Variants in KIF26B observed in about 807,000 individuals in gnomAD.
The protein encoded by KIF26B is kinesin-like protein KIF26B.
In KIF26B, 63 loss-of-function variants were observed where a neutral mutation model predicts 151.2. That is an observed-to-expected ratio of 0.42 (90% CI 0.34 to 0.51). The LOEUF (loss-of-function observed/expected upper bound fraction) is 0.51. Ranked by LOEUF, KIF26B falls within the 20% of genes least tolerant of loss-of-function variation. The probability of loss-of-function intolerance (pLI) is 0.07; values close to 1 mark genes in which losing one functional copy is unlikely to be tolerated. For missense variants in KIF26B, 2,813 were observed against 2,913.6 expected, an observed-to-expected ratio of 0.97 and a Z score of 0.79; for synonymous variants, 1,357 against 1,262.1, an observed-to-expected ratio of 1.08 and a Z score of -1.59.
At chr1:245,266,663 C>T (rs138545562) in intron 2 of KIF26B, among the ~76,000 whole-genome samples, 80 of 152,240 alleles carry the variant, frequency 5.3e-4, no homozygotes, top group African/African-American at 1.8e-3. Context: ...CCTACCACCA[C>T]GCCCGGCTAA....
chr1:245,363,520 A>G (rs1432289796), intron 2 of KIF26B, among the ~76,000 whole-genome samples: 1 of 152,070 alleles, frequency 6.6e-6, no homozygotes, highest in Non-Finnish European at 1.5e-5. Flanking sequence ...CTTCCTATTT[A>G]TGACTACCCT....
rs180939492 is a variant in KIF26B at position 245,699,701 on chromosome 1, A to C, written c.6178+664A>C. Among the ~76,000 whole-genome samples, 341 of 152,344 alleles carry C rather than the reference A, an allele frequency of 2.2e-3. 4 individuals carry two copies. Among genetic ancestry groups the C allele is most frequent in the Non-Finnish European group, 3.5e-3 (239 of 68,030 alleles). On this transcript the variant is annotated intron_variant, in intron 14 of 14. Transcript: ENST00000407071. ...AGCTATTACACGGATATAGGAGCTA[A>C]TGCTGGAAGACTCAGTCTGTGGGGT... is the stretch of plus-strand genomic sequence containing the variant.
chr1:245,475,396 A>C (rs1173294512), intron 4 of KIF26B, among the ~76,000 whole-genome samples: 1 of 151,844 alleles, frequency 6.6e-6, no homozygotes, highest in Admixed American at 6.6e-5. Context: ...CATTGTTTAC[A>C]ATGGGGACAG....
chr1:245,331,403 AAAAGCCC>A (rs1294164482), intron 2 of KIF26B, among the ~76,000 whole-genome samples: 1 of 152,050 alleles, frequency 6.6e-6, no homozygotes, highest in Non-Finnish European at 1.5e-5. Flanking sequence ...TGCTCTTAAG[AAAAGCCC>A]GCAGTCGTCC....
At chr1:245,415,825 C>T (rs1303955319) in intron 3 of KIF26B, among the ~76,000 whole-genome samples, 1 of 150,876 alleles carries the variant, frequency 6.6e-6, no homozygotes, top group Admixed American at 6.6e-5. Context: ...TACCAAGCAC[C>T]CAACACATGG....
chr1:245,359,210 G>A (rs754709752), intron 2 of KIF26B, among the ~76,000 whole-genome samples: 3 of 152,056 alleles, frequency 2.0e-5, no homozygotes, highest in Non-Finnish European at 4.4e-5. Flanking sequence ...GTAGAGACGG[G>A]GTTTCACTAT....
intron 2 of KIF26B, among the ~76,000 whole-genome samples, chr1:245,315,369 T>C (rs1353107159): frequency 1.3e-5 from 2 of 151,894 alleles, no homozygotes; most frequent in Non-Finnish European, 2.9e-5. Flanking sequence ...TCAAGGTACA[T>C]TGCTTGAGCC....
intron 2 of KIF26B, among the ~76,000 whole-genome samples, chr1:245,331,546 C>G (rs979944754): frequency 6.6e-6 from 1 of 152,114 alleles, no homozygotes; most frequent in East Asian, 1.9e-4. Flanking sequence ...TGTGACACTT[C>G]GTCTCTAAGT....
rs749995498 is a variant in KIF26B, at chr1:245,687,573, A to G, written c.4590A>G (p.Lys1530=). ...CCCAGAGCCCCGTGCATCCCAACAA[A>G]AGCGTCAAGTCCAGCAGCCTTCCCA... ...LATQSPVHPN[K]SVKSSSLPRA... The change falls in exon 12 of 15, where the codon AAA becomes AAG. Residue 1530 remains lysine (K), a synonymous_variant. Transcript: ENST00000407071. This position sits in a 1 kb window ranked among gnomAD's most constrained non-coding sequence, Gnocchi z 4.9. 46 of 1,565,180 alleles carry G rather than the reference A, an allele frequency of 2.9e-5. No homozygotes were observed. The highest frequency in any genetic ancestry group is 4.0e-5 in the Non-Finnish European group (46 of 1,155,360).
intron 4 of KIF26B, among the ~76,000 whole-genome samples, chr1:245,532,244 T>C (rs983657793): frequency 6.9e-5 from 6 of 86,994 alleles, no homozygotes; most frequent in Admixed American, 1.2e-4. Flanking sequence ...TTTTCTTTTC[T>C]TTTCTTTTTT....
intron 3 of KIF26B, among the ~76,000 whole-genome samples, chr1:245,381,896 T>C (rs1269791760): frequency 6.6e-6 from 1 of 152,230 alleles, no homozygotes; most frequent in African/African-American, 2.4e-5. Context: ...TTGTGTCATA[T>C]GTCAGAATTT....
At chr1:245,411,995 C>A (rs1674298637) in intron 3 of KIF26B, among the ~76,000 whole-genome samples, 1 of 152,134 alleles carries the variant, frequency 6.6e-6, no homozygotes, top group African/African-American at 2.4e-5. Flanking sequence ...ATTGTTTGAT[C>A]TTTTCCTTTG....
At chr1:245,455,504 A>G (rs1021656690) in intron 4 of KIF26B, among the ~76,000 whole-genome samples, 17 of 152,200 alleles carry the variant, frequency 1.1e-4, no homozygotes, top group African/African-American at 4.1e-4. Flanking sequence ...TCTGTCTGAA[A>G]AAAACAAAAC....
intron 10 of KIF26B, among the ~76,000 whole-genome samples, chr1:245,660,492 C>T (rs1467203680): frequency 6.6e-6 from 1 of 151,190 alleles, no homozygotes; most frequent in Non-Finnish European, 1.5e-5. Context: ...TGTGCACCAC[C>T]ATGCCTGGTT....
chr1:245,440,208 C>A (rs1375507417), intron 4 of KIF26B, among the ~76,000 whole-genome samples: 3 of 151,128 alleles, frequency 2.0e-5, no homozygotes, highest in Admixed American at 6.6e-5. Context: ...GCGACAGAGC[C>A]AGACTCTGCC....
chr1:245,263,163 G>A (rs1298130192), intron 2 of KIF26B, among the ~76,000 whole-genome samples: 1 of 150,792 alleles, frequency 6.6e-6, no homozygotes, highest in Non-Finnish European at 1.5e-5. Context: ...TCCACTGGGA[G>A]GTGGGTCCCT....
At chr1:245,277,236 A>T (rs1403528884) in intron 2 of KIF26B, among the ~76,000 whole-genome samples, 1 of 152,176 alleles carries the variant, frequency 6.6e-6, no homozygotes, top group African/African-American at 2.4e-5. Context: ...GCTTGTGGTA[A>T]TTTGTTACAG....
chr1:245,595,857 T>G (rs1042507119), intron 5 of KIF26B, among the ~76,000 whole-genome samples: 5 of 152,230 alleles, frequency 3.3e-5, no homozygotes, highest in Non-Finnish European at 7.3e-5. Flanking sequence ...ATTGATCTAT[T>G]CAGGGATTCG....
At chr1:245,260,637 C>T (rs2292319) in intron 2 of KIF26B, among the ~76,000 whole-genome samples, 11,677 of 152,294 alleles carry the variant, frequency 0.077, 595 homozygotes, top group Middle Eastern at 0.12. Flanking sequence ...GAATTTCCTT[C>T]CTTTGACTGG....
Sources: allele counts gnomAD v4.1 joint callset (sites outside exome capture counted in the v4.1 genomes callset), GRCh38; gene constraint gnomAD v4.1.1; non-coding constraint Gnocchi (gnomAD v3.1); transcripts MANE v1.5; gene names NCBI Gene and HGNC (gene_info 2026-07-23, HGNC 2026-07-21).